Variants in NXPE4 observed in about 807,000 individuals in gnomAD.
NXPE4 encodes NXPE family member 4.
A neutral mutation model predicts 33.3 loss-of-function variants in NXPE4; 42 were observed. The observed-to-expected ratio is 1.26, with a 90% CI of 0.98 to 1.63. The LOEUF is 1.63. Ranked by LOEUF, NXPE4 falls within the 40% of genes most tolerant of loss-of-function variation. NXPE4 has a pLI of 0.00. For missense variants in NXPE4, 709 were observed against 647.6 expected, an observed-to-expected ratio of 1.09 and a Z score of -1.03; for synonymous variants, 253 against 234.9, an observed-to-expected ratio of 1.08 and a Z score of -0.71.
At chr11:114,635,970 C>T in the NXPE4 span, among the ~76,000 whole-genome samples, 1 of 152,046 alleles carries the variant, frequency 6.6e-6, no homozygotes, top group Non-Finnish European at 1.5e-5. Flanking sequence ...CAGGATGATG[C>T]TGGCCTCATA....
chr11:114,659,117 T>C, the NXPE4 span, among the ~76,000 whole-genome samples: 1 of 152,226 alleles, frequency 6.6e-6, no homozygotes, highest in Non-Finnish European at 1.5e-5. Flanking sequence ...TCAATGCTCC[T>C]CCCTACCTCA....
chr11:114,648,405 C>G, the NXPE4 span, among the ~76,000 whole-genome samples: 2 of 152,156 alleles, frequency 1.3e-5, no homozygotes, highest in Admixed American at 1.3e-4. Context: ...GAAGAATTCT[C>G]TCTTACTCAG....
Position 114,587,266 on chromosome 11 carries a change from C to T in NXPE4, c.97-4245G>A, listed in dbSNP as rs560263992. On this transcript the variant is annotated intron_variant, in intron 2 of 5. Coordinates refer to ENST00000375478, the MANE Select transcript of NXPE4 (RefSeq NM_001077639.2). ...CAGGAAAACAACCATTTGGTTCCTACGTTCTTTTAAGGCACCTATTCTGCC... is the reference window on the plus strand; with the variant it reads ...CAGGAAAACAACCATTTGGTTCCTATGTTCTTTTAAGGCACCTATTCTGCC... Among the ~76,000 whole-genome samples, 16 of 152,286 alleles carry T rather than the reference C, an allele frequency of 1.1e-4. No individual in the cohort carries two copies. The South Asian group carries it at 2.5e-3, about 24-fold the overall frequency.
chr11:114,580,283 G>A lies in NXPE4; in HGVS notation c.948C>T (p.Pro316=). Residue 316 remains proline (P), a synonymous_variant, in exon 5 of 6, where the codon CCC becomes CCT. Coordinates refer to ENST00000375478, the MANE Select transcript of NXPE4 (RefSeq NM_001077639.2). ...KCKFGMTSTI[P]SGHVWRNTWN... ...ATGTGTTTCTCCAGACATGCCCACTGGGGATTGTGGATGTCATTCCAAACT... is the reference window on the plus strand; with the variant it reads ...ATGTGTTTCTCCAGACATGCCCACTAGGGATTGTGGATGTCATTCCAAACT... 1 of 1,614,028 alleles carries A rather than the reference G, an allele frequency of 6.2e-7. No homozygotes were observed. The highest frequency in any genetic ancestry group is 8.5e-7 in the Non-Finnish European group (1 of 1,179,922).
chr11:114,618,156 C>T, the NXPE4 span, among the ~76,000 whole-genome samples: 2 of 151,802 alleles, frequency 1.3e-5, no homozygotes, highest in Non-Finnish European at 1.5e-5. Flanking sequence ...GTAAGTATTG[C>T]CTCGTGGGTA....
At chr11:114,628,811 T>C in the NXPE4 span, among the ~76,000 whole-genome samples, 2 of 151,446 alleles carry the variant, frequency 1.3e-5, no homozygotes, top group South Asian at 2.1e-4. Context: ...AAGAATCAAA[T>C]AGACGCAATA....
rs1018607965 is a variant in NXPE4, at chr11:114,571,227, C to T, written c.1346G>A (p.Arg449Gln). ...GGCTTTGTGGACATTGAGGGCCCTT[C>T]GGATAAAAACATCAATGGGAAAGGG... ...FRPFPIDVFI[R>Q]RALNVHKAIQ... The change falls in exon 6 of 6, where the codon CGA (arginine) becomes CAA (glutamine). Residue 449 changes from arginine to glutamine, a missense_variant. Physicochemically the swap from Arg to Gln is conservative, Grantham distance 43. Coordinates refer to ENST00000375478, the MANE Select transcript of NXPE4 (RefSeq NM_001077639.2). The T allele has an allele frequency of 6.8e-6, 11 of 1,613,848 alleles. No individual in the cohort carries two copies. Among genetic ancestry groups the T allele is most frequent in the East Asian group, 2.2e-5 (1 of 44,896 alleles).
the NXPE4 span, among the ~76,000 whole-genome samples, chr11:114,637,823 C>T: frequency 1.2e-4 from 18 of 151,954 alleles, no homozygotes; most frequent in Non-Finnish European, 2.2e-4. Flanking sequence ...GAGTTTCTGC[C>T]AAGAGATCTG....
the NXPE4 span, among the ~76,000 whole-genome samples, chr11:114,649,443 G>A: frequency 6.6e-6 from 1 of 152,166 alleles, no homozygotes; most frequent in Non-Finnish European, 1.5e-5. Flanking sequence ...CATATGGAAG[G>A]ACCTCACAAC....
At chr11:114,581,319 T>C (rs1047368542) in intron 4 of NXPE4, among the ~76,000 whole-genome samples, 2 of 152,158 alleles carry the variant, frequency 1.3e-5, no homozygotes, top group Non-Finnish European at 2.9e-5. Flanking sequence ...TATAATAAAC[T>C]GACACTCAGA....
chr11:114,634,699 A>G, the NXPE4 span, among the ~76,000 whole-genome samples: 2 of 152,068 alleles, frequency 1.3e-5, no homozygotes, highest in Non-Finnish European at 2.9e-5. Context: ...TGGTTTTCCC[A>G]GCACCATTTA....
the NXPE4 span, among the ~76,000 whole-genome samples, chr11:114,658,324 A>G: frequency 6.6e-6 from 1 of 152,194 alleles, no homozygotes; most frequent in Non-Finnish European, 1.5e-5. Flanking sequence ...TGAATTTCTA[A>G]AGGCTGAATG....
At chr11:114,677,190 G>C in the NXPE4 span, among the ~76,000 whole-genome samples, 1 of 152,040 alleles carries the variant, frequency 6.6e-6, no homozygotes, top group Non-Finnish European at 1.5e-5. Context: ...ATAAGTTCTA[G>C]AGATTTATTG....
chr11:114,587,278 G>A (rs913849345), intron 2 of NXPE4, among the ~76,000 whole-genome samples: 8 of 152,126 alleles, frequency 5.3e-5, no homozygotes, highest in Admixed American at 1.3e-4. Context: ...TTCTTTTAAG[G>A]CACCTATTCT....
the NXPE4 span, among the ~76,000 whole-genome samples, chr11:114,632,464 TTATA>T: frequency 7.7e-6 from 1 of 129,102 alleles, no homozygotes; most frequent in Non-Finnish European, 1.6e-5. Flanking sequence ...GAGTTATACA[TTATA>T]TATACTATAT....
the NXPE4 span, among the ~76,000 whole-genome samples, chr11:114,625,656 G>A: frequency 2.0e-5 from 3 of 152,066 alleles, no homozygotes; most frequent in Admixed American, 6.6e-5. Flanking sequence ...AATAAGTATT[G>A]CCTCTCAGGG....
the NXPE4 span, among the ~76,000 whole-genome samples, chr11:114,629,131 C>T: frequency 6.6e-6 from 1 of 151,998 alleles, no homozygotes; most frequent in Non-Finnish European, 1.5e-5. Context: ...GAAACTATTC[C>T]AATCAATAGA....
At chr11:114,654,826 A>C in the NXPE4 span, among the ~76,000 whole-genome samples, 4 of 152,166 alleles carry the variant, frequency 2.6e-5, no homozygotes, top group African/African-American at 9.6e-5. Context: ...TTTCCTTTGG[A>C]TATATACCCA....
chr11:114,631,632 A>C, the NXPE4 span, among the ~76,000 whole-genome samples: 4 of 151,876 alleles, frequency 2.6e-5, no homozygotes, highest in African/African-American at 9.6e-5. Context: ...ATGTAACTAA[A>C]CTGCACATTG....
Sources: gnomAD v4.1 joint callset for allele counts (sites outside exome capture counted in the v4.1 genomes callset) on GRCh38, gnomAD v4.1.1 for gene constraint, MANE v1.5 for transcripts, NCBI Gene and HGNC (gene_info 2026-07-23, HGNC 2026-07-21) for gene names.